DPYD: variants seen among roughly 807,000 people sequenced by gnomAD.
The protein encoded by DPYD is dihydropyrimidine dehydrogenase.
In DPYD, 109 loss-of-function variants were observed where a neutral mutation model predicts 116.2. That is an observed-to-expected ratio of 0.94 (90% confidence interval 0.80 to 1.10). The LOEUF (loss-of-function observed/expected upper bound fraction) is 1.10, where lower values mean the gene tolerates loss of function less well. Among genes scored for constraint, DPYD ranks in the 50% least tolerant of loss-of-function variants. DPYD has a pLI of 0.00. For missense variants in DPYD, 1,302 were observed against 1,254.5 expected (o/e 1.04, Z -0.57); for synonymous variants, 440 against 432.0 (o/e 1.02, Z -0.23).
At chr1:97,223,487 G>A (rs144258315) in intron 19 of DPYD, among the ~76,000 whole-genome samples, 32 of 151,862 alleles carry the variant, frequency 2.1e-4, no homozygotes, top group African/African-American at 6.8e-4. Context: ...TAACTGATAA[G>A]TTTTGACTTT....
intron 20 of DPYD, among the ~76,000 whole-genome samples, chr1:97,127,893 C>T (rs55663917): frequency 6.6e-6 from 1 of 152,086 alleles, no homozygotes; most frequent in Admixed American, 6.6e-5. Flanking sequence ...CCATTATCTT[C>T]CACACACGGT....
chr1:97,158,839 C>A (rs1409121464), intron 20 of DPYD, among the ~76,000 whole-genome samples: 2 of 152,058 alleles, frequency 1.3e-5, no homozygotes, highest in Non-Finnish European at 2.9e-5. Context: ...TTGGCAGATG[C>A]CAAGCAGCAC....
chr1:97,292,904 C>T (rs533200926), intron 18 of DPYD, among the ~76,000 whole-genome samples: 1 of 151,926 alleles, frequency 6.6e-6, no homozygotes, highest in South Asian at 2.1e-4. Flanking sequence ...ATTTTAACTA[C>T]TTAATAGAGA....
chr1:97,791,205 T>TTC (rs910947240), intron 3 of DPYD, among the ~76,000 whole-genome samples: 5 of 152,198 alleles, frequency 3.3e-5, no homozygotes, highest in African/African-American at 1.2e-4. Flanking sequence ...TGTATTGTAT[T>TTC]TCCGACCCCT....
At chr1:97,575,240 T>C (rs1238657699) in intron 10 of DPYD, among the ~76,000 whole-genome samples, 3 of 152,198 alleles carry the variant, frequency 2.0e-5, no homozygotes, top group Non-Finnish European at 4.4e-5. Flanking sequence ...GCACTTGTTC[T>C]CTATGATGCA....
At chr1:97,203,569 G>A (rs1659361144) in intron 19 of DPYD, among the ~76,000 whole-genome samples, 1 of 145,924 alleles carries the variant, frequency 6.9e-6, no homozygotes, top group Non-Finnish European at 1.5e-5. Flanking sequence ...CATGGCACAT[G>A]TATACATATG....
chr1:97,496,701 T>C (rs1167357438), intron 13 of DPYD, among the ~76,000 whole-genome samples: 3 of 152,010 alleles, frequency 2.0e-5, no homozygotes, highest in Non-Finnish European at 4.4e-5. Context: ...TCATCTTTTT[T>C]CCAATGGCAT....
intron 8 of DPYD, among the ~76,000 whole-genome samples, chr1:97,671,919 A>T (rs374898599): frequency 1.6e-5 from 2 of 128,422 alleles, no homozygotes; most frequent in African/African-American, 2.9e-5. Flanking sequence ...TTTTCTTTTT[A>T]TTTATTTATT....
At chr1:97,541,334 T>C (rs1650439195) in intron 12 of DPYD, among the ~76,000 whole-genome samples, 1 of 152,190 alleles carries the variant, frequency 6.6e-6, no homozygotes. Flanking sequence ...TTGAAGGATA[T>C]GATAAAAATG....
intron 15 of DPYD, among the ~76,000 whole-genome samples, chr1:97,381,155 CTTTT>C (rs1446836294): frequency 6.6e-6 from 1 of 150,840 alleles, no homozygotes; most frequent in Non-Finnish European, 1.5e-5. Context: ...TTCTTCCTTT[CTTTT>C]TATTTATGTT....
chr1:97,471,493 A>G (rs1454326633), intron 13 of DPYD, among the ~76,000 whole-genome samples: 1 of 152,188 alleles, frequency 6.6e-6, no homozygotes, highest in Non-Finnish European at 1.5e-5. Context: ...TATCAGCTGA[A>G]AACATTAATA....
chr1:97,708,037 C>G (rs891317864), intron 5 of DPYD, among the ~76,000 whole-genome samples: 2 of 152,016 alleles, frequency 1.3e-5, no homozygotes, highest in Non-Finnish European at 2.9e-5. Flanking sequence ...GAGAGTCTCA[C>G]TATGCTCCCC....
chr1:97,308,882 C>A (rs926104501), intron 16 of DPYD, among the ~76,000 whole-genome samples: 1 of 151,640 alleles, frequency 6.6e-6, no homozygotes, highest in Admixed American at 6.6e-5. Context: ...CAAGAGTTTA[C>A]CATTACCAAT....
intron 16 of DPYD, among the ~76,000 whole-genome samples, chr1:97,355,961 T>C (rs1483907966): frequency 2.0e-5 from 3 of 152,200 alleles, no homozygotes; most frequent in African/African-American, 7.2e-5. Flanking sequence ...GTAGGATTGT[T>C]GGATCATATG....
intron 6 of DPYD, among the ~76,000 whole-genome samples, chr1:97,695,056 C>A (rs980946553): frequency 2.6e-5 from 4 of 152,168 alleles, no homozygotes; most frequent in African/African-American, 9.7e-5. Flanking sequence ...ATTCCTCATT[C>A]CAATTCCCCA....
chr1:97,810,603 C>A (rs999129609), intron 3 of DPYD, among the ~76,000 whole-genome samples: 8 of 152,040 alleles, frequency 5.3e-5, no homozygotes, highest in Non-Finnish European at 8.8e-5. Context: ...AACATCTCTC[C>A]AATCCCTGCA....
intron 19 of DPYD, among the ~76,000 whole-genome samples, chr1:97,225,415 T>G (rs1431524143): frequency 6.6e-6 from 1 of 152,058 alleles, no homozygotes; most frequent in Non-Finnish European, 1.5e-5. Context: ...TTTACTCAGG[T>G]TCTTTACTCA....
chr1:97,317,705 C>T (rs1456159140), intron 16 of DPYD, among the ~76,000 whole-genome samples: 1 of 151,938 alleles, frequency 6.6e-6, no homozygotes, highest in African/African-American at 2.4e-5. Flanking sequence ...AGGGAGGAAG[C>T]TAGTGTGGGG....
At chr1:97,675,996 C>T (rs570443917) in intron 8 of DPYD, among the ~76,000 whole-genome samples, 2 of 152,244 alleles carry the variant, frequency 1.3e-5, no homozygotes, top group East Asian at 3.9e-4. Context: ...ATCCACCCGC[C>T]TCGGCCTCCC....
Sources: allele counts gnomAD v4.1 joint callset (sites outside exome capture counted in the v4.1 genomes callset), GRCh38; gene constraint gnomAD v4.1.1; transcripts MANE v1.5; gene names NCBI Gene and HGNC (gene_info 2026-07-23, HGNC 2026-07-21).